Variants in TEX36 observed in about 807,000 individuals in gnomAD.
The protein encoded by TEX36 is testis-expressed protein 36.
A neutral mutation model predicts 13.6 loss-of-function variants in TEX36; 12 were observed. That is an observed-to-expected ratio of 0.88 (90% CI 0.56 to 1.43). TEX36 has a LOEUF of 1.43. Ranked by LOEUF, TEX36 falls within the 40% of genes most tolerant of loss-of-function variation. TEX36 has a pLI of 0.00. For missense variants in TEX36, 224 were observed against 228.3 expected, an observed-to-expected ratio of 0.98 and a Z score of 0.12; for synonymous variants, 93 against 83.0, an observed-to-expected ratio of 1.12 and a Z score of -0.65.
intron 1 of TEX36, chr10:125,666,834 CG>C: frequency 3.2e-6 from 1 of 308,556 alleles, no homozygotes. Flanking sequence ...AGAGTAGGGG[CG>C]GGGCCTGGAG....
intron 2 of TEX36, 88 bp downstream of exon 2, chr10:125,661,755 AAAG>A (rs532655097): frequency 9.7e-4 from 1,439 of 1,490,720 alleles, no homozygotes; most frequent in Non-Finnish European, 1.2e-3. Context: ...AGTTTCTTAC[AAAG>A]AAGAATTGTT....
chr10:125,609,015 G>GA (rs35139539), intron 3 of TEX36, among the ~76,000 whole-genome samples: 64,882 of 146,226 alleles, frequency 0.44, 17,217 homozygotes, highest in African/African-American at 0.75. Context: ...AGAAAAAAAG[G>GA]AAAAAAATGA....
chr10:125,592,273 T>A (rs560667447), intron 3 of TEX36, among the ~76,000 whole-genome samples: 218 of 152,112 alleles, frequency 1.4e-3, no homozygotes, highest in African/African-American at 4.9e-3. Flanking sequence ...GTGGAGACCA[T>A]CCCCATGAAG....
At chr10:125,660,888 T>G (rs1034138535) in intron 3 of TEX36, 133 bp downstream of exon 3, 3 of 748,406 alleles carry the variant, frequency 4.0e-6, no homozygotes, top group Non-Finnish European at 6.8e-6. Flanking sequence ...GTTATGAGTC[T>G]TGTTTAAGAC....
intron 3 of TEX36, among the ~76,000 whole-genome samples, chr10:125,585,280 C>A (rs1255080260): frequency 6.6e-6 from 1 of 152,138 alleles, no homozygotes; most frequent in Non-Finnish European, 1.5e-5. Context: ...GAGGATGTAC[C>A]TGCCCAATTC....
In TEX36 at chr10:125,655,968, C is replaced by A. The variant is rs1263925717; in HGVS notation, c.493G>T (p.Val165Phe). 3.2e-6 allele frequency: 5 copies of A among 1,551,014 alleles called. No homozygotes were observed. The African/African-American group carries it at 4.1e-5, about 13-fold the overall frequency. ...TFLPERSYTE[V>F]LKKKPKVRFT... The stretch of plus-strand genomic sequence containing the variant: ...CTTACTTTGGGCTTCTTTTTCAAAA[C>A]CTCTGTATAGCTTCTCTCAGGAAGA... The change falls in exon 4 of 4, where the codon GTT becomes TTT. Residue 165 changes from valine (V) to phenylalanine (F), a missense_variant. Physicochemically the swap from Val to Phe is conservative, Grantham distance 50 (BLOSUM62 -1). Coordinates refer to ENST00000368821, the MANE Select transcript of TEX36 (RefSeq NM_001128202.3).
At chr10:125,658,697 C>T (rs1011712943) in intron 3 of TEX36, among the ~76,000 whole-genome samples, 1 of 151,926 alleles carries the variant, frequency 6.6e-6, no homozygotes, top group Non-Finnish European at 1.5e-5. Flanking sequence ...ACCCATAAAA[C>T]TAGATATTAG....
At chr10:125,611,925 C>T (rs1846294470) in intron 3 of TEX36, among the ~76,000 whole-genome samples, 1 of 151,876 alleles carries the variant, frequency 6.6e-6, no homozygotes, top group Non-Finnish European at 1.5e-5. Flanking sequence ...TCCTGAATGC[C>T]AGATACCTGC....
intron 1 of TEX36, 62 bp from the exon 2 acceptor site, chr10:125,662,039 C>A: frequency 6.5e-7 from 1 of 1,549,114 alleles, no homozygotes; most frequent in Non-Finnish European, 8.7e-7. Context: ...AGCCAAGTAT[C>A]AGGGCTTCCT....
chr10:125,659,574 G>A (rs1846999365), intron 3 of TEX36, among the ~76,000 whole-genome samples: 1 of 152,182 alleles, frequency 6.6e-6, no homozygotes, highest in East Asian at 1.9e-4. Context: ...GGCAAAGTGG[G>A]TATTCTGGTC....
chr10:125,590,815 A>C (rs1846012658), intron 3 of TEX36, among the ~76,000 whole-genome samples: 2 of 152,222 alleles, frequency 1.3e-5, no homozygotes, highest in South Asian at 2.1e-4. Flanking sequence ...ACATGATGAC[A>C]CAATAGAGAG....
intron 1 of TEX36, among the ~76,000 whole-genome samples, chr10:125,680,049 T>G (rs1332305331): frequency 6.6e-6 from 1 of 152,246 alleles, no homozygotes; most frequent in East Asian, 1.9e-4. Context: ...TCTTAATATA[T>G]TCTAGAAATG....
intron 3 of TEX36, among the ~76,000 whole-genome samples, chr10:125,577,445 G>A (rs141153724): frequency 6.6e-6 from 1 of 152,352 alleles, no homozygotes; most frequent in Non-Finnish European, 1.5e-5. Flanking sequence ...GTTGCATTGA[G>A]CTGAGATTGC....
At chr10:125,605,577 G>A (rs1846206274) in intron 3 of TEX36, among the ~76,000 whole-genome samples, 1 of 151,698 alleles carries the variant, frequency 6.6e-6, no homozygotes, top group Non-Finnish European at 1.5e-5. Context: ...AACTTTCTGG[G>A]TCCAAGATGT....
At chr10:125,595,763 C>T (rs1252730912) in intron 3 of TEX36, among the ~76,000 whole-genome samples, 1 of 152,208 alleles carries the variant, frequency 6.6e-6, no homozygotes, top group Non-Finnish European at 1.5e-5. Flanking sequence ...GCCCTTACCA[C>T]TTTGTCTAGG....
intron 3 of TEX36, among the ~76,000 whole-genome samples, chr10:125,582,080 C>T (rs1337308838): frequency 1.3e-5 from 2 of 152,142 alleles, no homozygotes; most frequent in Non-Finnish European, 2.9e-5. Flanking sequence ...CTGGAGGAAG[C>T]GAATCTGAGT....
intron 3 of TEX36, among the ~76,000 whole-genome samples, chr10:125,577,745 A>C (rs145990804): frequency 4.6e-5 from 7 of 152,344 alleles, no homozygotes; most frequent in African/African-American, 1.4e-4. Context: ...TTATAACAGA[A>C]GGATTTTCTC....
chr10:125,632,290 A>G (rs1202962715), intron 3 of TEX36, among the ~76,000 whole-genome samples: 1 of 152,132 alleles, frequency 6.6e-6, no homozygotes, highest in Non-Finnish European at 1.5e-5. Context: ...GAGCAAGTCC[A>G]GCAGAAACCA....
intron 3 of TEX36, among the ~76,000 whole-genome samples, chr10:125,605,817 G>C (rs911527957): frequency 6.6e-6 from 1 of 152,156 alleles, no homozygotes; most frequent in African/African-American, 2.4e-5. Context: ...GGCCAGGCTG[G>C]TCTCGAACTC....
Sources: gnomAD v4.1 joint callset for allele counts (sites outside exome capture counted in the v4.1 genomes callset) on GRCh38, gnomAD v4.1.1 for gene constraint, MANE v1.5 for transcripts, NCBI Gene and HGNC (gene_info 2026-07-23, HGNC 2026-07-21) for gene names.